Variants in DRG2 observed in about 807,000 individuals in gnomAD.
DRG2 encodes the protein developmentally regulated GTP binding protein 2.
Under a neutral mutation model 53.4 loss-of-function variants are expected in DRG2, and 36 were observed. That is an observed-to-expected ratio of 0.67 (90% confidence interval 0.52 to 0.89). The LOEUF (loss-of-function observed/expected upper bound fraction) is 0.89. DRG2 is among the 40% of genes least tolerant of loss of function. The pLI is 0.00. For synonymous variants in DRG2, 167 were observed against 192.1 expected (o/e 0.87, Z 1.08); for missense variants, 342 against 481.2 (o/e 0.71, Z 2.71).
rs745490362 is a variant in DRG2 at position 18,099,850 on chromosome 17, C to G, written c.467+127C>G. On this transcript the variant is annotated intron_variant, in intron 5 of 12. Transcript: ENST00000225729. This position sits in a 1 kb window ranked among gnomAD's most constrained non-coding sequence, Gnocchi z 4.4. The stretch of plus-strand genomic sequence containing the variant: ...GTGAGAGTAGTGGTAGGACTTGTCA[C>G]AGACTAAACCCAACACCACCCAGCC... 1.1e-6 allele frequency: 1 copy of G among 924,134 alleles called. No individual in the cohort carries two copies. Among genetic ancestry groups the G allele is most frequent in the African/African-American group, 1.6e-5 (1 of 60,926 alleles). The allele number at this position is 924,134 out of a possible 1,614,324, so 57.2% of individuals were successfully genotyped here.
chr17:18,090,368 TTATATATATATATATATATATATA>T lies in DRG2; in HGVS notation c.64+2297_64+2320del, dbSNP rs1242491729. Among the ~76,000 whole-genome samples the T allele has an allele frequency of 2.3e-3, 58 of 25,512 alleles. 7 individuals carry two copies. The highest frequency in any genetic ancestry group is 7.5e-3 in the African/African-American group (55 of 7,286). The allele number at this position is 25,512 out of a possible 152,430, so 16.7% of individuals were successfully genotyped here. On this transcript the variant is annotated intron_variant, in intron 1 of 12. Transcript: ENST00000225729. ...GTGTGCACCACCACACCGGGCTAAT[TTATATATATATATATATATATATA>T]TATATATATATATATTTTTTTTTTT...
At position 18,099,863 on chromosome 17, in the gene DRG2, A is replaced by T; in HGVS notation, c.467+140A>T. 1 of 808,972 alleles carries T rather than the reference A, an allele frequency of 1.2e-6. No homozygotes were observed. Among genetic ancestry groups the T allele is most frequent in the Non-Finnish European group, 2.0e-6 (1 of 498,432 alleles). The allele number at this position is 808,972 out of a possible 1,614,324, so 50.1% of individuals were successfully genotyped here. On this transcript the variant is annotated intron_variant, in intron 5 of 12. Transcript: ENST00000225729. The surrounding 1 kb of genome is among the most constrained non-coding windows in gnomAD (Gnocchi z 4.4). ...TAGGACTTGTCACAGACTAAACCCA[A>T]CACCACCCAGCCTATGGCGTCTTCT...
chr17:18,101,115 G>A (rs2045526119), intron 7 of DRG2, among the ~76,000 whole-genome samples: 1 of 152,134 alleles, frequency 6.6e-6, no homozygotes, highest in Non-Finnish European at 1.5e-5. Context: ...CGTTGCCAGA[G>A]GTGTGCAAGC....
intron 10 of DRG2, 143 bp from the exon 11 acceptor site, chr17:18,104,480 G>C (rs1183320688): frequency 6.8e-7 from 1 of 1,480,136 alleles, no homozygotes; most frequent in Admixed American, 2.2e-5. Flanking sequence ...TATGTGGAGG[G>C]TGTGCTGGAT....
chr17:18,104,525 A>G (rs2142206454), intron 10 of DRG2, 98 bp from the exon 11 acceptor site: 2 of 1,584,924 alleles, frequency 1.3e-6, no homozygotes, highest in Admixed American at 3.5e-5. Flanking sequence ...AAGGAGACCG[A>G]AAGGGCCTCT....
chr17:18,099,854 C>A lies in DRG2; in HGVS notation c.467+131C>A. On this transcript the variant is annotated intron_variant, in intron 5 of 12. Transcript: ENST00000225729. The surrounding 1 kb of genome is among the most constrained non-coding windows in gnomAD (Gnocchi z 4.4). The stretch of plus-strand genomic sequence containing the variant: ...GAGTAGTGGTAGGACTTGTCACAGA[C>A]TAAACCCAACACCACCCAGCCTATG... The A allele has an allele frequency of 1.1e-6, 1 of 870,816 alleles. No individual in the cohort carries two copies. Among genetic ancestry groups the A allele is most frequent in the Non-Finnish European group, 1.8e-6 (1 of 551,182 alleles). The allele number at this position is 870,816 out of a possible 1,614,324, so 53.9% of individuals were successfully genotyped here.
Position 18,104,608 on chromosome 17 carries a change from C to G in DRG2, c.896-15C>G. On this transcript the variant is annotated splice_polypyrimidine_tract_variant and intron_variant, in intron 10 of 12. Transcript: ENST00000225729. ...CCTGATGTGTGGCTGACGTTCTCCCCATCCTGCCCTGCAGAGAGGCCAGAC... is the reference window on the plus strand; with the variant it reads ...CCTGATGTGTGGCTGACGTTCTCCCGATCCTGCCCTGCAGAGAGGCCAGAC... 1 of 1,613,814 alleles carries G rather than the reference C, an allele frequency of 6.2e-7. No individual in the cohort carries two copies. The highest frequency in any genetic ancestry group is 8.5e-7 in the Non-Finnish European group (1 of 1,179,992).
chr17:18,106,384 G>A, intron 11 of DRG2, 49 bp from the exon 12 acceptor site: 1 of 1,606,006 alleles, frequency 6.2e-7, no homozygotes, highest in Non-Finnish European at 8.5e-7. Context: ...GCTTGGGATG[G>A]GGTTAGGTGA....
Position 18,099,170 on chromosome 17 carries a change from C to A in DRG2, c.376+93C>A. On this transcript the variant is annotated intron_variant, in intron 4 of 12. Transcript: ENST00000225729. The surrounding 1 kb of genome is among the most constrained non-coding windows in gnomAD (Gnocchi z 4.4). The stretch of plus-strand genomic sequence containing the variant: ...GGCTGTCATGGAGATCACTCTGGAT[C>A]CCTGGTCCATTATCCCGCTTTCCAG... The A allele has an allele frequency of 6.6e-7, 1 of 1,520,364 alleles. No homozygotes were observed. The highest frequency in any genetic ancestry group is 9.1e-7 in the Non-Finnish European group (1 of 1,102,324). 94.2% of individuals were successfully genotyped at this position (1,520,364 alleles called of 1,614,324 possible). A position where few individuals can be genotyped will look rare whatever the true frequency, so the allele number is the denominator to read the frequency against.
Position 18,107,286 on chromosome 17 carries a change from A to T in DRG2, c.*46A>T, listed in dbSNP as rs2045660350. 6.3e-7 allele frequency: 1 copy of T among 1,584,652 alleles called. No homozygotes were observed. Among genetic ancestry groups the T allele is most frequent in the East Asian group, 2.2e-5 (1 of 44,540 alleles). ...GCCCACCTGCCTCGTCTCCCTGGGGAGGTGGTCCCACTGGGACACACAAAC... is the reference window on the plus strand; with the variant it reads ...GCCCACCTGCCTCGTCTCCCTGGGGTGGTGGTCCCACTGGGACACACAAAC... On this transcript the variant is annotated 3_prime_UTR_variant, in exon 13 of 13. Coordinates refer to ENST00000225729, the MANE Select transcript of DRG2 (RefSeq NM_001388.5).
chr17:18,099,715 G>A lies in DRG2; in HGVS notation c.459G>A (p.Glu153=), dbSNP rs367966775. Residue 153 remains glutamate, a synonymous_variant, in exon 5 of 13, where the codon GAG becomes GAA. Transcript: ENST00000225729. This position sits in a 1 kb window ranked among gnomAD's most constrained non-coding sequence, Gnocchi z 4.4. ...TGATGCTGGATGCCACCAAGGGAGA[G>A]GTGCAGAGGTCCGCAGGGTGGGGCA... is the stretch of plus-strand genomic sequence containing the variant. ...IIMMLDATKG[E]VQRSLLEKEL... is the part of the protein sequence containing the mutation. 1.1e-5 allele frequency: 18 copies of A among 1,603,612 alleles called. No homozygotes were observed. The highest frequency in any genetic ancestry group is 3.3e-4 in the Middle Eastern group (2 of 6,040).
In DRG2 at chr17:18,087,958, C is replaced by G; in HGVS notation, c.-66C>G. On this transcript the variant is annotated 5_prime_UTR_variant, in exon 1 of 13. Transcript: ENST00000225729. ...TTCCGGGCGCACGCTACTCTGTCGC[C>G]GCCGTCAGACCGGAATTGCCGGTGC... 6.6e-7 allele frequency: 1 copy of G among 1,524,184 alleles called. No homozygotes were observed. Among genetic ancestry groups the G allele is most frequent in the East Asian group, 2.5e-5 (1 of 40,068 alleles). 94.4% of individuals were successfully genotyped at this position (1,524,184 alleles called of 1,614,324 possible). A position where few individuals can be genotyped will look rare whatever the true frequency, so the allele number is the denominator to read the frequency against.
chr17:18,098,467 A>C lies in DRG2; in HGVS notation c.315+108A>C, dbSNP rs143837341. On this transcript the variant is annotated intron_variant, in intron 3 of 12. Coordinates refer to ENST00000225729, the MANE Select transcript of DRG2 (RefSeq NM_001388.5). This position sits in a 1 kb window ranked among gnomAD's most constrained non-coding sequence, Gnocchi z 4.1. ...TCTGGGTGGATGTCCCCATGTCAGG[A>C]CAGGCTCTGGACTGAGCTGCTTTGC... The C allele has an allele frequency of 1.1e-5, 11 of 1,015,846 alleles. No homozygotes were observed. Among genetic ancestry groups the C allele is most frequent in the East Asian group, 2.5e-5 (1 of 40,274 alleles). The allele number at this position is 1,015,846 out of a possible 1,614,324, so 62.9% of individuals were successfully genotyped here.
intron 11 of DRG2, 21 bp downstream of exon 11, chr17:18,104,702 GT>G: frequency 1.2e-6 from 2 of 1,613,816 alleles, no homozygotes; most frequent in Non-Finnish European, 1.7e-6. Flanking sequence ...AAGACCTGCC[GT>G]GACAAGGGGT....
At chr17:18,106,367 C>T in intron 11 of DRG2, 66 bp from the exon 12 acceptor site, 1 of 1,581,430 alleles carries the variant, frequency 6.3e-7, no homozygotes, top group Non-Finnish European at 8.7e-7. Flanking sequence ...TTTGGGTGTG[C>T]AGCCAAGCTT....
chr17:18,106,328 ACTC>A, intron 11 of DRG2, 102 bp from the exon 12 acceptor site: 1 of 1,309,730 alleles, frequency 7.6e-7, no homozygotes, highest in African/African-American at 1.5e-5. Flanking sequence ...TGCCGCGGGA[ACTC>A]CTGCCTCTTG....
chr17:18,100,752 G>T lies in DRG2; in HGVS notation c.631+93G>T. 1 of 1,272,730 alleles carries T rather than the reference G, an allele frequency of 7.9e-7. No individual in the cohort carries two copies. The highest frequency in any genetic ancestry group is 1.1e-6 in the Non-Finnish European group (1 of 904,206). 78.8% of individuals were successfully genotyped at this position (1,272,730 alleles called of 1,614,324 possible). ...AAGACAGGAGGCCTCATGGAGCAGG[G>T]TGGCAGCAGGTCACCCCCACTGCCC... is the stretch of plus-strand genomic sequence containing the variant. On this transcript the variant is annotated intron_variant, in intron 7 of 12. Coordinates refer to ENST00000225729, the MANE Select transcript of DRG2 (RefSeq NM_001388.5). This position sits in a 1 kb window ranked among gnomAD's most constrained non-coding sequence, Gnocchi z 4.1.
Position 18,098,511 on chromosome 17 carries a change from C to A in DRG2, c.315+152C>A. ...GCTTTGCCCTCCAGCACTGACACTT[C>A]TGGGGATCCTAGCTGCTGGACCCCA... On this transcript the variant is annotated intron_variant, in intron 3 of 12. Coordinates refer to ENST00000225729, the MANE Select transcript of DRG2 (RefSeq NM_001388.5). This position sits in a 1 kb window ranked among gnomAD's most constrained non-coding sequence, Gnocchi z 4.1. 1 of 655,792 alleles carries A rather than the reference C, an allele frequency of 1.5e-6. No individual in the cohort carries two copies. Among genetic ancestry groups the A allele is most frequent in the African/African-American group, 1.8e-5 (1 of 55,388 alleles). 40.6% of individuals were successfully genotyped at this position (655,792 alleles called of 1,614,324 possible).
At chr17:18,107,046 C>A in intron 12 of DRG2, 108 bp from the exon 13 acceptor site, 1 of 1,025,552 alleles carries the variant, frequency 9.8e-7, no homozygotes, top group Non-Finnish European at 1.5e-6. Context: ...GAGGCCCCCA[C>A]CTTATGCCAT....
Sources: allele counts gnomAD v4.1 joint callset (sites outside exome capture counted in the v4.1 genomes callset), GRCh38; gene constraint gnomAD v4.1.1; non-coding constraint Gnocchi (gnomAD v3.1); transcripts MANE v1.5; gene names NCBI Gene and HGNC (gene_info 2026-07-23, HGNC 2026-07-21).